EFTUD2: variants seen among roughly 807,000 people sequenced by gnomAD.
The protein encoded by EFTUD2 is 116 kDa U5 small nuclear ribonucleoprotein component.
EFTUD2 carries 9 observed loss-of-function variants against 114.3 expected under a neutral mutation model. The ratio of observed to expected loss-of-function variants is 0.08; its 90% CI spans 0.05 to 0.14. EFTUD2 has a LOEUF of 0.14. EFTUD2 is among the 10% of genes least tolerant of loss of function. EFTUD2 has a pLI of 1.00. For synonymous variants in EFTUD2, 449 were observed against 462.3 expected, an observed-to-expected ratio of 0.97 and a Z score of 0.37; for missense variants, 765 against 1,241.2, an observed-to-expected ratio of 0.62 and a Z score of 5.76.
chr17:44,853,570 C>A lies in EFTUD2; in HGVS notation c.2413G>T (p.Gly805Trp), dbSNP rs1206607178. 6.2e-7 allele frequency: 1 copy of A among 1,614,188 alleles called. No individual in the cohort carries two copies. Among genetic ancestry groups the A allele is most frequent in the Non-Finnish European group, 8.5e-7 (1 of 1,180,022 alleles). The change falls in exon 24 of 28, where the codon GGG becomes TGG. Residue 805 changes from glycine (G) to tryptophan (W), a missense_variant. By Grantham distance (184) the Gly-to-Trp change is radical. Around this residue, in one of 6 missense-constraint regions of EFTUD2, gnomAD observed 166 missense variants for 401.5 expected, o/e 0.41. Coordinates refer to ENST00000426333, the MANE Select transcript of EFTUD2 (RefSeq NM_004247.4). ...CTGGCTGTGGGGATGATCTGGCCCC[C>A]GCCCCGGTGCAGGGGCTCCTGGGCA... is the stretch of plus-strand genomic sequence containing the variant. ...VVAQEPLHRGGGQIIPTARRV... is the reference protein window; with the variant it reads ...VVAQEPLHRGWGQIIPTARRV...
rs753678282 is a variant in EFTUD2, at chr17:44,850,429, C to T, written c.*845G>A. On this transcript the variant is annotated 3_prime_UTR_variant, in exon 28 of 28. Transcript: ENST00000426333. ...ATAGGAGCCGGGGCTGTCCAACTCC[C>T]CTAACTCAATCCCTGGTACATTCCT... 6.6e-7 allele frequency: 1 copy of T among 1,510,264 alleles called. No homozygotes were observed. The highest frequency in any genetic ancestry group is 2.3e-5 in the East Asian group (1 of 44,358). 93.6% of individuals were successfully genotyped at this position (1,510,264 alleles called of 1,614,324 possible).
intron 2 of EFTUD2, among the ~76,000 whole-genome samples, chr17:44,891,142 A>G (rs1478572622): frequency 1.5e-4 from 23 of 152,194 alleles, no homozygotes; most frequent in Admixed American, 1.5e-3. Flanking sequence ...AAGAAACAGA[A>G]CAATGCAGAC....
At chr17:44,883,504 T>C in intron 5 of EFTUD2, 145 bp downstream of exon 5, 1 of 773,600 alleles carries the variant, frequency 1.3e-6, no homozygotes, top group Non-Finnish European at 2.2e-6. Flanking sequence ...TTTCACAGTA[T>C]GACTTCGTAA....
chr17:44,881,884 C>G lies in EFTUD2; in HGVS notation c.493-162G>C, dbSNP rs1031560991. ...CCACAGCAATTACAGACAATGAGAC[C>G]AGTGCCCTCCCAGCTGGAAATGCTC... is the stretch of plus-strand genomic sequence containing the variant. On this transcript the variant is annotated intron_variant, in intron 6 of 27. Coordinates refer to ENST00000426333, the MANE Select transcript of EFTUD2 (RefSeq NM_004247.4). The G allele has an allele frequency of 6.4e-6, 4 of 627,202 alleles. No individual in the cohort carries two copies. The African/African-American group carries it at 7.4e-5, about 12-fold the overall frequency. 38.9% of individuals were successfully genotyped at this position (627,202 alleles called of 1,614,324 possible). A position where few individuals can be genotyped will look rare whatever the true frequency, so the allele number is the denominator to read the frequency against.
At chr17:44,863,027 A>T in intron 15 of EFTUD2, 121 bp from the exon 16 acceptor site, 2 of 777,392 alleles carry the variant, frequency 2.6e-6, no homozygotes, top group South Asian at 4.2e-5. Flanking sequence ...AAGATGAGGT[A>T]GTCTCATCTC....
intron 18 of EFTUD2, chr17:44,859,703 G>T (rs2050621006): frequency 2.6e-6 from 2 of 768,496 alleles, no homozygotes; most frequent in Admixed American, 2.7e-5. Flanking sequence ...TCCTACACAG[G>T]TCTTGTTTTA....
intron 9 of EFTUD2, among the ~76,000 whole-genome samples, chr17:44,877,413 A>C (rs74415139): frequency 0.038 from 5,835 of 152,328 alleles, 196 homozygotes; most frequent in South Asian, 0.13. Context: ...CCATAAGGAC[A>C]GTAACAGATT....
Position 44,890,034 on chromosome 17 carries a change from T to A in EFTUD2, c.106-3284A>T, listed in dbSNP as rs149501847. On this transcript the variant is annotated intron_variant, in intron 2 of 27. Transcript: ENST00000426333. The stretch of plus-strand genomic sequence containing the variant: ...TTTTTTTATTTTTTTGAGATGGAGT[T>A]TCACTCTTGTTTGCCGGGGCTGGAG... 2.9e-3 allele frequency among the ~76,000 whole-genome samples: 440 copies of A among 152,260 alleles called. 3 individuals are homozygous for A. Among genetic ancestry groups the A allele is most frequent in the African/African-American group, 1.0e-2 (414 of 41,556 alleles).
At position 44,854,172 on chromosome 17, in the gene EFTUD2, C is replaced by G; in HGVS notation, c.2347+97G>C. 6.9e-7 allele frequency: 1 copy of G among 1,446,678 alleles called. No homozygotes were observed. Among genetic ancestry groups the G allele is most frequent in the Non-Finnish European group, 9.3e-7 (1 of 1,070,728 alleles). The allele number at this position is 1,446,678 out of a possible 1,614,324, so 89.6% of individuals were successfully genotyped here. On this transcript the variant is annotated intron_variant, in intron 23 of 27. Transcript: ENST00000426333. The surrounding 1 kb of genome is among the most constrained non-coding windows in gnomAD (Gnocchi z 4.3). ...TGGTCCTGTGTACCCCAAGCTGCTT[C>G]TCCTGCCGAATCCTAAAGATGGTGA...
chr17:44,853,585 G>A lies in EFTUD2; in HGVS notation c.2398C>T (p.Pro800Ser). The A allele has an allele frequency of 1.2e-6, 2 of 1,614,120 alleles. No individual in the cohort carries two copies. The highest frequency in any genetic ancestry group is 2.7e-5 in the African/African-American group (2 of 75,032). The part of the protein sequence containing the change: ...KILDAVVAQE[P>S]LHRGGGQIIP... ...ATCTGGCCCCCGCCCCGGTGCAGGG[G>A]CTCCTGGGCAACCACCGCATCCAGG... Residue 800 changes from proline (P) to serine (S), a missense_variant, in exon 24 of 28, where the codon CCC becomes TCC. This residue lies in a region of EFTUD2 where 166 missense variants were observed against 401.5 expected (regional missense o/e 0.41). Coordinates refer to ENST00000426333, the MANE Select transcript of EFTUD2 (RefSeq NM_004247.4).
chr17:44,872,322 T>C, intron 11 of EFTUD2, 124 bp downstream of exon 11: 4 of 1,292,552 alleles, frequency 3.1e-6, no homozygotes, highest in Non-Finnish European at 4.4e-6. Context: ...AATGTGATAA[T>C]AACAGGTGAT....
chr17:44,895,540 A>G (rs1481505365), intron 1 of EFTUD2, among the ~76,000 whole-genome samples: 1 of 151,988 alleles, frequency 6.6e-6, no homozygotes, highest in Non-Finnish European at 1.5e-5. Flanking sequence ...ACAGCCATGC[A>G]TATTCATTTG....
intron 1 of EFTUD2, among the ~76,000 whole-genome samples, chr17:44,896,801 C>A (rs550856449): frequency 6.6e-6 from 1 of 152,324 alleles, no homozygotes; most frequent in African/African-American, 2.4e-5. Context: ...AACTATGTAA[C>A]TTGAGGTAAG....
intron 2 of EFTUD2, among the ~76,000 whole-genome samples, chr17:44,890,585 G>A (rs2051261803): frequency 6.6e-6 from 1 of 151,758 alleles, no homozygotes. Flanking sequence ...CCAGCTACTC[G>A]GGAGGCTGAG....
At chr17:44,889,224 G>A (rs1428359694) in intron 2 of EFTUD2, among the ~76,000 whole-genome samples, 1 of 152,200 alleles carries the variant, frequency 6.6e-6, no homozygotes, top group Non-Finnish European at 1.5e-5. Context: ...TCGCAAGGCA[G>A]AGGTCAGTGG....
intron 18 of EFTUD2, chr17:44,859,493 C>T: frequency 2.0e-6 from 1 of 506,068 alleles, no homozygotes; most frequent in Non-Finnish European, 3.6e-6. Flanking sequence ...TGGCCTGCTA[C>T]CTGGAAAGGT....
chr17:44,885,879 C>A (rs1597822756), intron 3 of EFTUD2, among the ~76,000 whole-genome samples: 1 of 152,046 alleles, frequency 6.6e-6, no homozygotes, highest in African/African-American at 2.4e-5. Flanking sequence ...TCCTCCTGCT[C>A]TGGCCTCCCA....
At chr17:44,857,020 GGAGA>G in intron 20 of EFTUD2, 51 bp downstream of exon 20, 2 of 1,453,356 alleles carry the variant, frequency 1.4e-6, no homozygotes, top group Non-Finnish European at 1.9e-6. Flanking sequence ...GGAAGATAAA[GGAGA>G]GAGAGTGTCC....
chr17:44,892,870 C>T (rs542896372), intron 2 of EFTUD2, among the ~76,000 whole-genome samples: 1 of 151,688 alleles, frequency 6.6e-6, no homozygotes, highest in East Asian at 2.0e-4. Flanking sequence ...CTCCTGGGCT[C>T]AAGCGCCTCA....
Sources: allele counts gnomAD v4.1 joint callset (sites outside exome capture counted in the v4.1 genomes callset), GRCh38; gene constraint gnomAD v4.1.1; regional missense constraint gnomAD v4.1.1; non-coding constraint Gnocchi (gnomAD v3.1); transcripts MANE v1.5; gene names NCBI Gene and HGNC (gene_info 2026-07-23, HGNC 2026-07-21).